Variants in DNAJC6 observed in about 807,000 individuals in gnomAD.
DNAJC6 encodes auxilin.
A neutral mutation model predicts 110.0 loss-of-function variants in DNAJC6; 34 were observed. The ratio of observed to expected loss-of-function variants is 0.31; its 90% CI spans 0.24 to 0.41. DNAJC6 has a LOEUF of 0.41. Among genes scored for constraint, DNAJC6 ranks in the 10% least tolerant of loss-of-function variants. The probability of loss-of-function intolerance (pLI) is 1.00; values close to 1 mark genes in which losing one functional copy is unlikely to be tolerated. For synonymous variants in DNAJC6, 406 were observed against 437.2 expected (o/e 0.93, Z 0.89); for missense variants, 1,031 against 1,207.8 (o/e 0.85, Z 2.17).
intron 8 of DNAJC6, among the ~76,000 whole-genome samples, chr1:65,387,745 T>C (rs1557555996): frequency 6.6e-6 from 1 of 152,274 alleles, no homozygotes; most frequent in East Asian, 1.9e-4. Context: ...CATTTTTTGC[T>C]ATTAGGAATA....
intron 13 of DNAJC6, among the ~76,000 whole-genome samples, chr1:65,398,255 T>A (rs2101623358): frequency 6.6e-6 from 1 of 152,294 alleles, no homozygotes; most frequent in Non-Finnish European, 1.5e-5. Flanking sequence ...ATAGTGATGA[T>A]GTATAGCCAG....
chr1:65,338,978 T>G (rs1286966086), intron 1 of DNAJC6, among the ~76,000 whole-genome samples: 1 of 152,234 alleles, frequency 6.6e-6, no homozygotes, highest in Non-Finnish European at 1.5e-5. Flanking sequence ...GCTCCATTGA[T>G]GCCCTCTGCG....
chr1:65,341,005 C>T (rs1645384413), intron 1 of DNAJC6, among the ~76,000 whole-genome samples: 2 of 152,172 alleles, frequency 1.3e-5, no homozygotes, highest in South Asian at 4.1e-4. Flanking sequence ...ACCTCTTGCA[C>T]CACTGTTTGC....
intron 1 of DNAJC6, among the ~76,000 whole-genome samples, chr1:65,357,042 T>G (rs757785460): frequency 6.6e-6 from 1 of 152,180 alleles, no homozygotes; most frequent in Non-Finnish European, 1.5e-5. Flanking sequence ...AGAAGGATGA[T>G]GAAGCCCTTT....
intron 1 of DNAJC6, among the ~76,000 whole-genome samples, chr1:65,265,194 T>C (rs1363246071): frequency 6.6e-6 from 1 of 152,228 alleles, no homozygotes; most frequent in Non-Finnish European, 1.5e-5. Flanking sequence ...TAATCTTGGC[T>C]GAGTAACACA....
intron 1 of DNAJC6, among the ~76,000 whole-genome samples, chr1:65,283,945 T>C (rs1476099996): frequency 6.6e-6 from 1 of 152,154 alleles, no homozygotes; most frequent in African/African-American, 2.4e-5. Flanking sequence ...AGTGGCCTGG[T>C]CTGTGATTTC....
intron 7 of DNAJC6, 90 bp from the exon 8 acceptor site, chr1:65,386,721 TG>T: frequency 8.7e-7 from 1 of 1,151,124 alleles, no homozygotes; most frequent in Non-Finnish European, 1.3e-6. Context: ...AACAGTCCTC[TG>T]GGCCAGAGCC....
intron 1 of DNAJC6, among the ~76,000 whole-genome samples, chr1:65,356,435 A>G (rs2101534182): frequency 6.6e-6 from 1 of 151,986 alleles, no homozygotes; most frequent in East Asian, 1.9e-4. Flanking sequence ...GTGGTGGTGC[A>G]TGCCTGTAAT....
At chr1:65,265,314 T>C (rs1191281366) in intron 1 of DNAJC6, among the ~76,000 whole-genome samples, 1 of 152,194 alleles carries the variant, frequency 6.6e-6, no homozygotes, top group African/African-American at 2.4e-5. Context: ...TTATGAGAAT[T>C]GGAATATCTG....
At chr1:65,315,921 G>A (rs1413341109) in intron 1 of DNAJC6, among the ~76,000 whole-genome samples, 1 of 152,044 alleles carries the variant, frequency 6.6e-6, no homozygotes, top group Admixed American at 6.5e-5. Context: ...ACCAAAATGA[G>A]TTCAGTTGTT....
intron 1 of DNAJC6, among the ~76,000 whole-genome samples, chr1:65,300,328 A>G (rs372197211): frequency 3.4e-4 from 52 of 152,274 alleles, no homozygotes; most frequent in African/African-American, 1.2e-3. Context: ...CTGGAGCTCC[A>G]TATTCCAACT....
intron 1 of DNAJC6, among the ~76,000 whole-genome samples, chr1:65,314,333 A>C (rs1038068013): frequency 1.3e-5 from 2 of 152,114 alleles, no homozygotes; most frequent in Admixed American, 1.3e-4. Context: ...CACATTTTGA[A>C]CCAGGTTTCA....
chr1:65,333,574 C>T (rs368286289), intron 1 of DNAJC6, among the ~76,000 whole-genome samples: 1 of 151,942 alleles, frequency 6.6e-6, no homozygotes, highest in Non-Finnish European at 1.5e-5. Flanking sequence ...GATTCCAACC[C>T]GTATGTTATT....
At chr1:65,309,961 C>G in intron 1 of DNAJC6, 23 bp downstream of exon 1, 2 of 1,386,858 alleles carry the variant, frequency 1.4e-6, no homozygotes. Context: ...GAGGGGAGTG[C>G]AGCGCTGAGC....
At chr1:65,391,868 C>T (rs964073988) in intron 11 of DNAJC6, among the ~76,000 whole-genome samples, 37 of 152,316 alleles carry the variant, frequency 2.4e-4, no homozygotes, top group African/African-American at 5.8e-4. Flanking sequence ...ACCTCTACCT[C>T]CCGGGTTCAA....
intron 1 of DNAJC6, chr1:65,345,824 C>A: frequency 4.5e-6 from 1 of 221,496 alleles, no homozygotes; most frequent in Non-Finnish European, 7.6e-6. Flanking sequence ...AGCACAGAAG[C>A]CAACCCCTCC....
chr1:65,342,005 G>T (rs1318022345), intron 1 of DNAJC6, among the ~76,000 whole-genome samples: 3 of 152,222 alleles, frequency 2.0e-5, no homozygotes, highest in South Asian at 2.1e-4. Context: ...CCACTCCTGG[G>T]TATCTGTTCT....
At chr1:65,326,062 G>A (rs1645238806) in intron 1 of DNAJC6, among the ~76,000 whole-genome samples, 2 of 152,192 alleles carry the variant, frequency 1.3e-5, no homozygotes, top group South Asian at 2.1e-4. Flanking sequence ...ACATCATTAT[G>A]TGCACATGAC....
At chr1:65,398,243 G>C (rs2101623342) in intron 13 of DNAJC6, among the ~76,000 whole-genome samples, 1 of 152,244 alleles carries the variant, frequency 6.6e-6, no homozygotes, top group Middle Eastern at 3.4e-3. Context: ...CTGACAACCA[G>C]CATAGTGATG....
Sources: gnomAD v4.1 joint callset for allele counts (sites outside exome capture counted in the v4.1 genomes callset) on GRCh38, gnomAD v4.1.1 for gene constraint, MANE v1.5 for transcripts, NCBI Gene and HGNC (gene_info 2026-07-23, HGNC 2026-07-21) for gene names.